The following EFCAB6 variants were observed in gnomAD, a reference collection of about 807,000 sequenced individuals.
The protein encoded by EFCAB6 is EF-hand calcium binding domain 6.
EFCAB6 carries 156 observed loss-of-function variants against 169.8 expected under a neutral mutation model. The observed-to-expected ratio is 0.92, with a 90% CI of 0.81 to 1.05. EFCAB6 has a LOEUF of 1.05. EFCAB6 is among the 50% of genes least tolerant of loss of function. EFCAB6 has a pLI of 0.00. For synonymous variants in EFCAB6, 698 were observed against 676.4 expected (o/e 1.03, Z -0.50); for missense variants, 1,800 against 1,829.1 (o/e 0.98, Z 0.29).
At chr22:43,793,186 A>ATTT (rs2062372949) in intron 2 of EFCAB6, among the ~76,000 whole-genome samples, 2 of 151,976 alleles carry the variant, frequency 1.3e-5, no homozygotes, top group South Asian at 4.2e-4. Flanking sequence ...GACAGCATGA[A>ATTT]AAAAAAATAA....
chr22:43,777,340 A>C (rs752997640), intron 3 of EFCAB6, among the ~76,000 whole-genome samples: 15 of 152,194 alleles, frequency 9.9e-5, no homozygotes, highest in Non-Finnish European at 1.9e-4. Flanking sequence ...TGGAGCTATC[A>C]TTTTGGTTAC....
intron 27 of EFCAB6, among the ~76,000 whole-genome samples, chr22:43,546,126 C>T (rs993914595): frequency 6.6e-6 from 1 of 152,184 alleles, no homozygotes; most frequent in Non-Finnish European, 1.5e-5. Context: ...AAGGAGTAAA[C>T]ACTGGTATTA....
At chr22:43,759,236 T>C (rs564811985) in intron 5 of EFCAB6, 57 of 152,380 alleles carry the variant, frequency 3.7e-4, no homozygotes, top group African/African-American at 1.3e-3. Context: ...GAATCTCTGA[T>C]ACCTAGACTG....
intron 8 of EFCAB6, among the ~76,000 whole-genome samples, chr22:43,726,768 A>C (rs1011759062): frequency 6.6e-6 from 1 of 152,248 alleles, no homozygotes; most frequent in Non-Finnish European, 1.5e-5. Flanking sequence ...ATGTGCAGAG[A>C]AGACACCAAG....
intron 6 of EFCAB6, among the ~76,000 whole-genome samples, chr22:43,737,040 G>A (rs1450759702): frequency 6.6e-6 from 1 of 151,780 alleles, no homozygotes; most frequent in Non-Finnish European, 1.5e-5. Flanking sequence ...TTCGCTGCTT[G>A]GCATATATGC....
intron 26 of EFCAB6, among the ~76,000 whole-genome samples, chr22:43,562,831 AG>A (rs1481810465): frequency 5.4e-5 from 2 of 37,334 alleles, no homozygotes; most frequent in African/African-American, 2.4e-4. Flanking sequence ...GGGGGATGGG[AG>A]GGAGGCAGCC....
At chr22:43,733,992 C>T (rs949154398) in intron 7 of EFCAB6, among the ~76,000 whole-genome samples, 3 of 152,082 alleles carry the variant, frequency 2.0e-5, no homozygotes, top group Non-Finnish European at 2.9e-5. Flanking sequence ...CAAGCGTGAT[C>T]CACCGCGCCC....
intron 26 of EFCAB6, among the ~76,000 whole-genome samples, chr22:43,566,257 C>A (rs908591162): frequency 6.6e-6 from 1 of 152,170 alleles, no homozygotes. Flanking sequence ...GATTTCCAGG[C>A]GCAGTTCCAG....
intron 23 of EFCAB6, 27 bp from the exon 24 acceptor site, chr22:43,590,256 C>A (rs756710251): frequency 2.5e-6 from 4 of 1,596,358 alleles, no homozygotes; most frequent in Non-Finnish European, 3.4e-6. Context: ...TGCAGACATA[C>A]CCTAAAATCA....
rs760951612 is a variant in EFCAB6, at chr22:43,615,930, GA to G, written c.2466-9del. The stretch of plus-strand genomic sequence containing the variant: ...GCAACCTTCTGTTTTGGTCTTAAAA[GA>G]AAAAAAATAATAAATAACTGTGTTT... On this transcript the variant is annotated splice_polypyrimidine_tract_variant and intron_variant, in intron 20 of 31. Coordinates refer to ENST00000262726, the MANE Select transcript of EFCAB6 (RefSeq NM_022785.4). The G allele has an allele frequency of 1.5e-5, 24 of 1,604,668 alleles. No homozygotes were observed. Among genetic ancestry groups the G allele is most frequent in the South Asian group, 5.6e-5 (5 of 89,796 alleles).
chr22:43,708,089 T>TAAAAAAAAAAAAA (rs137824), intron 10 of EFCAB6, among the ~76,000 whole-genome samples: 8 of 115,518 alleles, frequency 6.9e-5, no homozygotes, highest in African/African-American at 1.3e-4. Flanking sequence ...TAAAGAAAAC[T>TAAAAAAAAAAAAA]AAAAAAAAAA....
At chr22:43,676,418 C>CAA (rs34550416) in intron 13 of EFCAB6, among the ~76,000 whole-genome samples, 10 of 60,392 alleles carry the variant, frequency 1.7e-4, no homozygotes, top group South Asian at 4.8e-4. Context: ...GACTCCGTCT[C>CAA]AAAAAAAAAA....
chr22:43,537,494 C>T lies in EFCAB6; in HGVS notation c.3931G>A (p.Asp1311Asn). 6.2e-7 allele frequency: 1 copy of T among 1,614,098 alleles called. No homozygotes were observed. Among genetic ancestry groups the T allele is most frequent in the South Asian group, 1.1e-5 (1 of 91,038 alleles). Reference sequence around the variant, plus strand: ...TTCCGGAGCCTGCTCTCTATGGGATCACAGTTCTGCAAGGGTGGAGTGCCC... The same window carrying T: ...TTCCGGAGCCTGCTCTCTATGGGATTACAGTTCTGCAAGGGTGGAGTGCCC... ...IPGTPPLQNC[D>N]PIESRLRKRI... The change falls in exon 29 of 32, where the codon GAT (aspartate) becomes AAT (asparagine). Residue 1311 changes from aspartate to asparagine, a missense_variant. Transcript: ENST00000262726. The surrounding 1 kb of genome is among the most constrained non-coding windows in gnomAD (Gnocchi z 4.3).
Position 43,711,566 on chromosome 22 carries a change from C to A in EFCAB6, c.940G>T (p.Gly314Cys). 1 of 1,604,482 alleles carries A rather than the reference C, an allele frequency of 6.2e-7. No homozygotes were observed. The highest frequency in any genetic ancestry group is 8.5e-7 in the Non-Finnish European group (1 of 1,177,836). Residue 314 changes from glycine to cysteine, a missense_variant, in exon 10 of 32, where the codon GGT becomes TGT. Transcript: ENST00000262726. Reference sequence around the variant, plus strand: ...AGATAATTAAAAGACACGTAGCCACCTTTACAGGGGTCCCCTGCACTGAGG... The same window carrying A: ...AGATAATTAAAAGACACGTAGCCACATTTACAGGGGTCCCCTGCACTGAGG... ...KALSAGDPCK[G>C]GYVSFNYLKI...
chr22:43,797,367 GC>G (rs2062548375), intron 2 of EFCAB6: 1 of 152,546 alleles, frequency 6.6e-6, no homozygotes, highest in Non-Finnish European at 1.5e-5. Context: ...AAATAAGAGA[GC>G]AATGGGGTTA....
At chr22:43,580,763 A>G (rs1421404008) in intron 24 of EFCAB6, 104 bp from the exon 25 acceptor site, 3 of 1,273,816 alleles carry the variant, frequency 2.4e-6, no homozygotes, top group Non-Finnish European at 3.3e-6. Context: ...GGGAAAATGA[A>G]TAATTTTAAG....
chr22:43,725,865 T>C (rs905070978), intron 8 of EFCAB6, among the ~76,000 whole-genome samples: 1 of 152,202 alleles, frequency 6.6e-6, no homozygotes, highest in Non-Finnish European at 1.5e-5. Context: ...AACTGGAGGA[T>C]TTGAATTTCA....
At chr22:43,645,852 TA>T (rs571644573) in intron 17 of EFCAB6, among the ~76,000 whole-genome samples, 34 of 116,658 alleles carry the variant, frequency 2.9e-4, no homozygotes, top group Admixed American at 7.4e-4. Flanking sequence ...ATTTTAAAAC[TA>T]AAAAAAAAAA....
At chr22:43,784,665 A>ATATATGTGTATATG (rs2062001872) in intron 2 of EFCAB6, among the ~76,000 whole-genome samples, 1 of 74,212 alleles carries the variant, frequency 1.3e-5, no homozygotes, top group South Asian at 4.1e-4. Context: ...GTATATATAC[A>ATATATGTGTATATG]TATACATATA....
Sources: gnomAD v4.1 joint callset for allele counts (sites outside exome capture counted in the v4.1 genomes callset) on GRCh38, gnomAD v4.1.1 for gene constraint, Gnocchi (gnomAD v3.1) non-coding constraint, MANE v1.5 for transcripts, NCBI Gene and HGNC (gene_info 2026-07-23, HGNC 2026-07-21) for gene names.